FGF13: variants seen among roughly 807,000 people sequenced by gnomAD.
FGF13 encodes the protein fibroblast growth factor homologous factor 2.
A neutral mutation model predicts 19.5 loss-of-function variants in FGF13; 2 were observed. The observed-to-expected ratio is 0.10, with a 90% CI of 0.04 to 0.32. The LOEUF (loss-of-function observed/expected upper bound fraction) is 0.32, where lower values mean the gene tolerates loss of function less well. Among genes scored for constraint, FGF13 ranks in the 10% least tolerant of loss-of-function variants. The pLI is 1.00. For missense variants in FGF13, 113 were observed against 192.7 expected, an observed-to-expected ratio of 0.59 and a Z score of 2.45; for synonymous variants, 72 against 76.9, an observed-to-expected ratio of 0.94 and a Z score of 0.33.
At chrX:138,913,678 AAGGAAG>A (rs1569422677) in intron 1 of FGF13, among the ~76,000 whole-genome samples, 1 of 103,664 alleles carries the variant, frequency 9.6e-6, no homozygotes, top group Non-Finnish European at 2.0e-5. Flanking sequence ...GGAAGGAAGG[AAGGAAG>A]GAAGGAAGGA....
At chrX:138,796,236 G>A (rs922921587) in intron 3 of FGF13, among the ~76,000 whole-genome samples, 6 of 110,276 alleles carry the variant, frequency 5.4e-5, no homozygotes, top group Admixed American at 3.9e-4. Context: ...CCCACCCGCC[G>A]ATAGGCCCGG....
At chrX:139,069,776 AAC>A (rs1415605472) in intron 1 of FGF13, among the ~76,000 whole-genome samples, 1 of 111,964 alleles carries the variant, frequency 8.9e-6, no homozygotes, top group African/African-American at 3.2e-5. Flanking sequence ...CTGGCACGAA[AAC>A]AGAAATATAG....
At chrX:138,802,859 C>G (rs946905539) in intron 3 of FGF13, among the ~76,000 whole-genome samples, 1 of 111,697 alleles carries the variant, frequency 9.0e-6, no homozygotes, top group South Asian at 3.8e-4. Context: ...CCCTCCAAAG[C>G]ATCAATTGCA....
chrX:138,771,627 G>T (rs955568644), intron 3 of FGF13, among the ~76,000 whole-genome samples: 3 of 110,774 alleles, frequency 2.7e-5, no homozygotes, highest in African/African-American at 9.8e-5. Flanking sequence ...AGGTATATTT[G>T]GGGTAGTAAT....
At chrX:138,711,997 T>C, upstream of FGF13, 1 of 110,784 alleles carries the variant, frequency 9.0e-6, no homozygotes, top group Non-Finnish European at 1.9e-5. Flanking sequence ...TGCTCGGCAT[T>C]GGGGGATGGA....
At position 138,709,396 on chromosome X, in the gene FGF13, T is replaced by C. The variant is rs954097542; in HGVS notation, c.188-468A>G. On this transcript the variant is annotated intron_variant, in intron 1 of 4. Transcript: ENST00000315930. ...CAATTTGAATAAATAATCTCCTTTA[T>C]TCTAAGAAGGTAGAAAATGCATAAA... Among the ~76,000 whole-genome samples the C allele has an allele frequency of 2.7e-5, 3 of 112,307 alleles. No individual in the cohort carries two copies. In the Admixed American group the frequency reaches 2.8e-4, roughly 11 times the overall value.
chrX:138,781,938 C>T (rs1259775095), intron 3 of FGF13, among the ~76,000 whole-genome samples: 1 of 111,949 alleles, frequency 8.9e-6, no homozygotes, highest in South Asian at 3.8e-4. Context: ...AATCCAGCAG[C>T]ACATCAAAAA....
At chrX:139,176,080 C>G (rs980784310) in intron 1 of FGF13, among the ~76,000 whole-genome samples, 1 of 111,763 alleles carries the variant, frequency 8.9e-6, no homozygotes, top group Non-Finnish European at 1.9e-5. Flanking sequence ...GATTTCAGAA[C>G]TTGTCATTGG....
chrX:138,816,578 T>C (rs893337847), intron 3 of FGF13, among the ~76,000 whole-genome samples: 8 of 112,327 alleles, frequency 7.1e-5, no homozygotes, highest in Non-Finnish European at 1.1e-4. Context: ...TAGAGTACTG[T>C]TTTTGTGACT....
chrX:138,838,396 A>T lies in FGF13; in HGVS notation c.217+19116T>A, dbSNP rs1241675068. 3.6e-5 allele frequency among the ~76,000 whole-genome samples: 4 copies of T among 111,894 alleles called. No homozygotes were observed. The Admixed American group carries it at 3.8e-4, about 11-fold the overall frequency. On this transcript the variant is annotated intron_variant, in intron 3 of 6. Coordinates refer to the FGF13 transcript ENST00000436198. ...TGGCTACTCTGCAGAAACTCCGTGT[A>T]GCTCTGTGTGTCAGGCTGAAGGTCC... is the stretch of plus-strand genomic sequence containing the variant.
intron 1 of FGF13, among the ~76,000 whole-genome samples, chrX:139,014,051 T>C (rs1034357980): frequency 9.0e-6 from 1 of 110,672 alleles, no homozygotes; most frequent in African/African-American, 3.3e-5. Flanking sequence ...AGAAAATGTA[T>C]TGAAACAAAT....
At chrX:138,667,661 G>A (rs1347728125) in intron 3 of FGF13, 1 of 347,453 alleles carries the variant, frequency 2.9e-6, no homozygotes, top group African/African-American at 2.6e-5. Flanking sequence ...CAGGTGAAAT[G>A]GCTTTGAAGT....
intron 3 of FGF13, among the ~76,000 whole-genome samples, chrX:138,756,851 T>C (rs937939543): frequency 1.1e-4 from 12 of 111,614 alleles, no homozygotes; most frequent in African/African-American, 3.9e-4. Context: ...CCAGGTGATG[T>C]CCACTATATA....
intron 1 of FGF13, among the ~76,000 whole-genome samples, chrX:139,190,508 C>G (rs2084318038): frequency 1.8e-5 from 2 of 112,025 alleles, no homozygotes; most frequent in South Asian, 7.6e-4. Context: ...GGCTAGGCCC[C>G]TGCCACTAAC....
chrX:139,004,655 G>T (rs1008124472), intron 1 of FGF13, among the ~76,000 whole-genome samples: 1 of 112,348 alleles, frequency 8.9e-6, no homozygotes, highest in Admixed American at 9.4e-5. Flanking sequence ...CCAGGCCTTG[G>T]CTCTTCAATG....
At chrX:138,867,392 C>G (rs924710680) in intron 1 of FGF13, among the ~76,000 whole-genome samples, 24 of 111,170 alleles carry the variant, frequency 2.2e-4, no homozygotes, top group African/African-American at 7.5e-4. Context: ...CTACTCAAAC[C>G]TGGGTGACAA....
At chrX:139,045,401 T>G (rs2092284103) in intron 1 of FGF13, among the ~76,000 whole-genome samples, 1 of 112,446 alleles carries the variant, frequency 8.9e-6, no homozygotes, top group African/African-American at 3.2e-5. Context: ...CCTTGGATAT[T>G]ATCACTTGGT....
At chrX:138,775,951 G>A (rs774483220) in intron 3 of FGF13, among the ~76,000 whole-genome samples, 1 of 112,166 alleles carries the variant, frequency 8.9e-6, no homozygotes, top group African/African-American at 3.2e-5. Flanking sequence ...TCCTATTGCC[G>A]GTCTCTACCC....
At chrX:139,067,380 A>T (rs1465623806) in intron 1 of FGF13, among the ~76,000 whole-genome samples, 1 of 111,918 alleles carries the variant, frequency 8.9e-6, no homozygotes, top group East Asian at 2.8e-4. Context: ...ATATTTAGAC[A>T]ATGCCATCGT....
Sources: allele counts gnomAD v4.1 joint callset (sites outside exome capture counted in the v4.1 genomes callset), GRCh38; gene constraint gnomAD v4.1.1; transcripts MANE v1.5; gene names NCBI Gene and HGNC (gene_info 2026-07-23, HGNC 2026-07-21).